The following CNN1 variants were observed in gnomAD, a reference collection of about 807,000 sequenced individuals.
CNN1 encodes the protein calponin 1.
A neutral mutation model predicts 35.3 loss-of-function variants in CNN1; 21 were observed. The ratio of observed to expected loss-of-function variants is 0.60; its 90% CI spans 0.42 to 0.86. The LOEUF (loss-of-function observed/expected upper bound fraction) is 0.86, where lower values mean the gene tolerates loss of function less well. Ranked by LOEUF, CNN1 falls within the 40% of genes least tolerant of loss-of-function variation. CNN1 has a pLI of 0.00. For missense variants in CNN1, 314 were observed against 400.8 expected (o/e 0.78, Z 1.85); for synonymous variants, 164 against 161.8 (o/e 1.01, Z -0.10).
At chr19:11,540,146 G>A in intron 1 of CNN1, 1 of 735,122 alleles carries the variant, frequency 1.4e-6, no homozygotes, top group Non-Finnish European at 1.7e-6. Context: ...GGAGTGGAGT[G>A]GGGGAGGGGG....
intron 4 of CNN1, 107 bp downstream of exon 4, chr19:11,547,076 A>G (rs1599609320): frequency 6.6e-7 from 1 of 1,524,494 alleles, no homozygotes; most frequent in East Asian, 2.3e-5. Context: ...AGCGGGGGGC[A>G]GGGATCGGGG....
At position 11,549,877 on chromosome 19, in the gene CNN1, C is replaced by T. The variant is rs935342005; in HGVS notation, c.*82C>T. The T allele has an allele frequency of 6.6e-7, 1 of 1,524,554 alleles. No individual in the cohort carries two copies. The highest frequency in any genetic ancestry group is 8.9e-7 in the Non-Finnish European group (1 of 1,129,034). 94.4% of individuals were successfully genotyped at this position (1,524,554 alleles called of 1,614,324 possible). ...GACCCAGCCAGGCCCAGCCGACCCCCTCTCCCTGCATGGCATCCTCCAGCC... is the reference window on the plus strand; with the variant it reads ...GACCCAGCCAGGCCCAGCCGACCCCTTCTCCCTGCATGGCATCCTCCAGCC... On this transcript the variant is annotated 3_prime_UTR_variant, in exon 7 of 7. Coordinates refer to ENST00000252456, the MANE Select transcript of CNN1 (RefSeq NM_001299.6). This position sits in a 1 kb window ranked among gnomAD's most constrained non-coding sequence, Gnocchi z 5.2.
intron 2 of CNN1, among the ~76,000 whole-genome samples, chr19:11,543,699 C>T (rs927636159): frequency 1.4e-5 from 2 of 147,674 alleles, no homozygotes; most frequent in Admixed American, 7.0e-5. Flanking sequence ...AGGAGAATAG[C>T]GTGAACCCGG....
At chr19:11,546,634 C>T in intron 2 of CNN1, 41 bp from the exon 3 acceptor site, 2 of 1,611,738 alleles carry the variant, frequency 1.2e-6, no homozygotes, top group Non-Finnish European at 1.7e-6. Context: ...GTGCCCAACC[C>T]TGGGGGGACA....
intron 1 of CNN1, 98 bp from the exon 2 acceptor site, chr19:11,540,978 C>A: frequency 7.6e-7 from 1 of 1,310,850 alleles, no homozygotes; most frequent in Non-Finnish European, 1.0e-6. Context: ...CGAGGGAGAT[C>A]AGGCTCTAGG....
chr19:11,549,306 T>G lies in CNN1; in HGVS notation c.502-17T>G. ...AGGTCTGTAATTATTGGTGTGATTC[T>G]CCTTCTGGCTTCCTAGATGGGCACC... On this transcript the variant is annotated splice_polypyrimidine_tract_variant and intron_variant, in intron 5 of 6. Coordinates refer to ENST00000252456, the MANE Select transcript of CNN1 (RefSeq NM_001299.6). This position sits in a 1 kb window ranked among gnomAD's most constrained non-coding sequence, Gnocchi z 5.2. 6 of 1,613,796 alleles carry G rather than the reference T, an allele frequency of 3.7e-6. No individual in the cohort carries two copies. Among genetic ancestry groups the G allele is most frequent in the Non-Finnish European group, 4.2e-6 (5 of 1,179,810 alleles).
intron 5 of CNN1, 146 bp downstream of exon 5, chr19:11,548,053 C>T: frequency 1.8e-6 from 1 of 549,702 alleles, no homozygotes. Context: ...CACAAACTCA[C>T]TCACTCTGCC....
chr19:11,549,627 T>C lies in CNN1; in HGVS notation c.726T>C (p.Asn242=), dbSNP rs1972673128. 2 of 1,613,328 alleles carry C rather than the reference T, an allele frequency of 1.2e-6. No homozygotes were observed. The highest frequency in any genetic ancestry group is 1.7e-4 in the Middle Eastern group (1 of 6,060). The part of the protein sequence containing the change: ...GLGMEHCDTL[N]VSLQMGSNKG... ...GCATGGAGCACTGCGACACGCTCAA[T>C]GTCAGCCTGCAGATGGGCAGCAACA... is the stretch of plus-strand genomic sequence containing the variant. The change falls in exon 7 of 7, where the codon AAT becomes AAC. Residue 242 remains asparagine, a synonymous_variant. Coordinates refer to ENST00000252456, the MANE Select transcript of CNN1 (RefSeq NM_001299.6). This position sits in a 1 kb window ranked among gnomAD's most constrained non-coding sequence, Gnocchi z 5.2.
intron 1 of CNN1, chr19:11,540,032 C>T: frequency 1.9e-6 from 2 of 1,042,014 alleles, no homozygotes; most frequent in Non-Finnish European, 2.3e-6. Flanking sequence ...GTGAGGGGGC[C>T]GCCCCTCCCA....
intron 1 of CNN1, chr19:11,539,463 CCTGA>C: frequency 9.1e-7 from 1 of 1,094,674 alleles, no homozygotes; most frequent in Non-Finnish European, 1.1e-6. Flanking sequence ...GCAGGGGTCT[CCTGA>C]CTGTGGAGCT....
intron 2 of CNN1, among the ~76,000 whole-genome samples, chr19:11,543,873 C>T (rs1360783536): frequency 6.6e-6 from 1 of 150,686 alleles, no homozygotes; most frequent in African/African-American, 2.4e-5. Context: ...ATGTATCAAA[C>T]CTGCACATAG....
At chr19:11,539,291 A>T (rs1972406811) in intron 1 of CNN1, 1 of 1,168,866 alleles carries the variant, frequency 8.6e-7, no homozygotes, top group East Asian at 5.0e-5. Flanking sequence ...GGGGAACAAC[A>T]TAGGGGGAAG....
intron 2 of CNN1, among the ~76,000 whole-genome samples, chr19:11,545,888 C>G (rs1378462665): frequency 6.6e-6 from 1 of 150,676 alleles, no homozygotes; most frequent in Non-Finnish European, 1.5e-5. Flanking sequence ...ATCGCTGGAG[C>G]CTGGGAAGTT....
In CNN1 at chr19:11,538,926, G is replaced by A. The variant is rs138283881; in HGVS notation, c.-2G>A. The A allele has an allele frequency of 0.016, 25,657 of 1,574,558 alleles. 244 individuals are homozygous for A. Among genetic ancestry groups the A allele is most frequent in the Non-Finnish European group, 0.02 (22,733 of 1,158,600 alleles). The stretch of plus-strand genomic sequence containing the variant: ...TGCCCCCGCCAGAGCCCACCGGCCA[G>A]CATGTCCTCTGCTCACTTCAACCGA... On this transcript the variant is annotated 5_prime_UTR_variant, in exon 1 of 7. Transcript: ENST00000252456.
rs372849208 is a variant in CNN1, at chr19:11,541,129, G to T, written c.117G>T (p.Glu39Asp). The change falls in exon 2 of 7, where the codon GAG becomes GAT. Residue 39 changes from glutamate to aspartate, a missense_variant. Transcript: ENST00000252456. ...AGCAGGAGCTGAGAGAGTGGATCGA[G>T]GGGGTGACAGGCCGTCGCATCGGCA... is the stretch of plus-strand genomic sequence containing the variant. ...QREQELREWI[E>D]GVTGRRIGNN... 1.8e-5 allele frequency: 29 copies of T among 1,609,486 alleles called. No individual in the cohort carries two copies. Among genetic ancestry groups the T allele is most frequent in the Non-Finnish European group, 2.3e-5 (27 of 1,177,856 alleles).
chr19:11,545,971 G>GA (rs939027562), intron 2 of CNN1, among the ~76,000 whole-genome samples: 19 of 140,750 alleles, frequency 1.3e-4, no homozygotes, highest in South Asian at 4.5e-4. Context: ...GCATCAAAAA[G>GA]AAAAAAAAAA....
At chr19:11,539,718 C>T (rs1208438328) in intron 1 of CNN1, 2 of 790,800 alleles carry the variant, frequency 2.5e-6, no homozygotes, top group South Asian at 2.8e-5. Flanking sequence ...CAGAGGGGAA[C>T]ACTGAGGCTC....
chr19:11,541,335 G>A (rs1053208487), intron 2 of CNN1, 138 bp downstream of exon 2: 2 of 1,154,766 alleles, frequency 1.7e-6, no homozygotes, highest in African/African-American at 3.2e-5. Flanking sequence ...AGTAATCATT[G>A]TGCCCATTTA....
In CNN1 at chr19:11,547,394, C is replaced by CAA. The variant is rs1019313802; in HGVS notation, c.391-391_391-390dup. 6.1e-5 allele frequency among the ~76,000 whole-genome samples: 6 copies of CAA among 98,206 alleles called. No individual in the cohort carries two copies. The Admixed American group carries it at 7.1e-4, about 12-fold the overall frequency. 64.4% of individuals were successfully genotyped at this position (98,206 alleles called of 152,430 possible). The stretch of plus-strand genomic sequence containing the variant: ...GGGTGACAGAGCCAAGACTCCGTCT[C>CAA]AAAAAAAAAAAAACAAAAAACAAAA... On this transcript the variant is annotated intron_variant, in intron 4 of 6. Coordinates refer to ENST00000252456, the MANE Select transcript of CNN1 (RefSeq NM_001299.6).
Sources: gnomAD v4.1 joint callset for allele counts (sites outside exome capture counted in the v4.1 genomes callset) on GRCh38, gnomAD v4.1.1 for gene constraint, Gnocchi (gnomAD v3.1) non-coding constraint, MANE v1.5 for transcripts, NCBI Gene and HGNC (gene_info 2026-07-23, HGNC 2026-07-21) for gene names.